VPS13D: variants seen among roughly 807,000 people sequenced by gnomAD.
The protein encoded by VPS13D is intermembrane lipid transfer protein VPS13D.
Under a neutral mutation model 461.9 loss-of-function variants are expected in VPS13D, and 187 were observed. The ratio of observed to expected loss-of-function variants is 0.40; its 90% confidence interval spans 0.36 to 0.46. The LOEUF (loss-of-function observed/expected upper bound fraction) is 0.46. Among genes scored for constraint, VPS13D ranks in the 20% least tolerant of loss-of-function variants. The probability of loss-of-function intolerance (pLI) is 0.60; values close to 1 mark genes in which losing one functional copy is unlikely to be tolerated. For missense variants in VPS13D, 4,711 were observed against 5,364.9 expected (o/e 0.88, Z 3.81); for synonymous variants, 1,951 against 1,986.3 (o/e 0.98, Z 0.47).
chr1:12,359,927 C>G (rs1368394832), intron 50 of VPS13D, among the ~76,000 whole-genome samples: 1 of 152,108 alleles, frequency 6.6e-6, no homozygotes, highest in Non-Finnish European at 1.5e-5. Flanking sequence ...GTGTTTTGCC[C>G]TTGATGTATT....
intron 55 of VPS13D, among the ~76,000 whole-genome samples, chr1:12,374,217 A>G (rs960347405): frequency 2.0e-5 from 3 of 152,230 alleles, no homozygotes; most frequent in African/African-American, 7.2e-5. Flanking sequence ...ATTTTCAGTT[A>G]TTATTTCACT....
chr1:12,364,173 T>TC (rs1643995739), intron 52 of VPS13D, among the ~76,000 whole-genome samples: 3 of 152,262 alleles, frequency 2.0e-5, no homozygotes, highest in Admixed American at 2.0e-4. Flanking sequence ...CAAACTCTTT[T>TC]CATCTTGCAA....
rs1646175693 is a variant in VPS13D, at chr1:12,511,029, G to A, written c.*2005G>A. Reference sequence around the variant, plus strand: ...TCTTGATGAGATTAAGGAGTTTAGTGTTACTAAGAAAATCTGCTTTGGGCC... The same window carrying A: ...TCTTGATGAGATTAAGGAGTTTAGTATTACTAAGAAAATCTGCTTTGGGCC... On this transcript the variant is annotated 3_prime_UTR_variant, in exon 70 of 70. Coordinates refer to ENST00000620676, the MANE Select transcript of VPS13D (RefSeq NM_015378.4). This position sits in a 1 kb window ranked among gnomAD's most constrained non-coding sequence, Gnocchi z 4.5. 6.6e-6 allele frequency: 1 copy of A among 152,202 alleles called. No homozygotes were observed. The highest frequency in any genetic ancestry group is 2.4e-5 in the African/African-American group (1 of 41,438). The allele number at this position is 152,202 out of a possible 1,614,324, so 9.4% of individuals were successfully genotyped here. A position where few individuals can be genotyped will look rare whatever the true frequency, so the allele number is the denominator to read the frequency against.
intron 1 of VPS13D, among the ~76,000 whole-genome samples, chr1:12,230,860 G>A (rs988880041): frequency 1.3e-5 from 2 of 152,126 alleles, no homozygotes; most frequent in Admixed American, 1.3e-4. Flanking sequence ...TTTTACTTGG[G>A]TGGTGGGGTC....
intron 35 of VPS13D, among the ~76,000 whole-genome samples, chr1:12,326,262 CT>C (rs1643182247): frequency 3.8e-5 from 3 of 78,196 alleles, no homozygotes; most frequent in Admixed American, 2.6e-4. Flanking sequence ...TTTACTCTTT[CT>C]TTAACAATTC....
intron 23 of VPS13D, 134 bp from the exon 24 acceptor site, chr1:12,293,390 T>C: frequency 1.2e-6 from 1 of 829,076 alleles, no homozygotes; most frequent in Non-Finnish European, 1.8e-6. Context: ...GTTTGCTTTG[T>C]AAAGCCTAAT....
chr1:12,248,392 G>C (rs72864964), intron 5 of VPS13D, among the ~76,000 whole-genome samples: 1,905 of 151,540 alleles, frequency 0.013, 36 homozygotes, highest in African/African-American at 0.044. Flanking sequence ...GCCTAGGCTG[G>C]AGTGCAGTGG....
At chr1:12,292,476 G>A (rs1642163930) in intron 23 of VPS13D, among the ~76,000 whole-genome samples, 1 of 118,584 alleles carries the variant, frequency 8.4e-6, no homozygotes, top group East Asian at 2.4e-4. Context: ...GTCTCGCTCT[G>A]TCACCCAGAC....
At chr1:12,493,801 G>A (rs1645920721) in intron 67 of VPS13D, among the ~76,000 whole-genome samples, 1 of 152,180 alleles carries the variant, frequency 6.6e-6, no homozygotes, top group South Asian at 2.1e-4. Flanking sequence ...TTTAAGATTG[G>A]AACTAAATTT....
chr1:12,362,805 A>T lies in VPS13D; in HGVS notation c.10227A>T (p.Ser3409=). Residue 3409 remains serine, a synonymous_variant, in exon 51 of 70, where the codon TCA becomes TCT. Transcript: ENST00000620676. ...CCCGTTACCTGTTAGATAATAAATCATCTCACAAGCTTGCATTTGCACAGA... is the reference window on the plus strand; with the variant it reads ...CCCGTTACCTGTTAGATAATAAATCTTCTCACAAGCTTGCATTTGCACAGA... ...FAPRYLLDNK[S]SHKLAFAQRE... The T allele has an allele frequency of 6.2e-7, 1 of 1,614,240 alleles. No individual in the cohort carries two copies.
At chr1:12,423,637 A>G (rs1000356919) in intron 65 of VPS13D, among the ~76,000 whole-genome samples, 1 of 152,190 alleles carries the variant, frequency 6.6e-6, no homozygotes, top group Non-Finnish European at 1.5e-5. Flanking sequence ...TTTCGAAGCA[A>G]ACCTTTCACC....
At chr1:12,460,826 G>A (rs1023121912) in intron 67 of VPS13D, among the ~76,000 whole-genome samples, 3 of 152,008 alleles carry the variant, frequency 2.0e-5, no homozygotes, top group East Asian at 1.9e-4. Flanking sequence ...CCTACACCCC[G>A]TGATATAGTT....
chr1:12,394,984 A>G (rs1644476088), intron 60 of VPS13D, among the ~76,000 whole-genome samples: 1 of 151,998 alleles, frequency 6.6e-6, no homozygotes, highest in Non-Finnish European at 1.5e-5. Context: ...TTTCTATATA[A>G]ATTAGAGAAC....
intron 67 of VPS13D, among the ~76,000 whole-genome samples, chr1:12,480,239 A>G (rs1426128053): frequency 6.6e-6 from 1 of 152,230 alleles, no homozygotes; most frequent in East Asian, 1.9e-4. Flanking sequence ...CATGCTGCCA[A>G]GACCATCTTC....
At chr1:12,492,252 TATTA>T (rs1645892873) in intron 67 of VPS13D, among the ~76,000 whole-genome samples, 1 of 152,248 alleles carries the variant, frequency 6.6e-6, no homozygotes. Flanking sequence ...TTTTTAAATT[TATTA>T]ATTTATGTAT....
At chr1:12,441,685 C>T (rs1332823955) in intron 65 of VPS13D, among the ~76,000 whole-genome samples, 2 of 152,216 alleles carry the variant, frequency 1.3e-5, no homozygotes, top group Non-Finnish European at 2.9e-5. Context: ...CCCCCACCTT[C>T]CTGCTAGATA....
chr1:12,245,829 A>G (rs934221819), intron 5 of VPS13D, among the ~76,000 whole-genome samples: 4 of 152,206 alleles, frequency 2.6e-5, no homozygotes, highest in African/African-American at 9.7e-5. Flanking sequence ...AGATTTGCCT[A>G]TTGTAGACAT....
intron 60 of VPS13D, among the ~76,000 whole-genome samples, chr1:12,397,486 T>C (rs988280390): frequency 6.6e-6 from 1 of 152,206 alleles, no homozygotes; most frequent in Non-Finnish European, 1.5e-5. Flanking sequence ...GACAATATGG[T>C]CGAGCCCTTT....
chr1:12,383,393 G>C (rs1644308433), intron 58 of VPS13D, among the ~76,000 whole-genome samples: 1 of 152,122 alleles, frequency 6.6e-6, no homozygotes, highest in Non-Finnish European at 1.5e-5. Context: ...ACCTAAAAAA[G>C]TATAAGATTT....
Sources: allele counts gnomAD v4.1 joint callset (sites outside exome capture counted in the v4.1 genomes callset), GRCh38; gene constraint gnomAD v4.1.1; non-coding constraint Gnocchi (gnomAD v3.1); transcripts MANE v1.5; gene names NCBI Gene and HGNC (gene_info 2026-07-23, HGNC 2026-07-21).